HEPN1: variants seen among roughly 807,000 people sequenced by gnomAD.
HEPN1 encodes the protein protein HEPN1.
For synonymous variants in HEPN1, 46 were observed against 41.2 expected, an observed-to-expected ratio of 1.12 and a Z score of -0.45; for missense variants, 97 against 103.3, an observed-to-expected ratio of 0.94 and a Z score of 0.26.
chr11:124,920,235 T>C, exon 1 of HEPN1: 1 of 895,822 alleles, frequency 1.1e-6, no homozygotes, highest in Non-Finnish European at 1.7e-6. Context: ...TTGAAAGGCT[T>C]GTTTTGTAAG....
exon 1 of HEPN1, chr11:124,919,389 T>G: frequency 8.2e-6 from 2 of 243,532 alleles, no homozygotes; most frequent in East Asian, 9.4e-5. Flanking sequence ...TTAAGGCAGA[T>G]TTGGCTTAAG....
Position 124,919,657 on chromosome 11 carries a change from A to G in HEPN1, c.-94A>G. On this transcript the variant is annotated 5_prime_UTR_variant, in exon 1 of 1. An upstream open reading frame in the 5' UTR loses its in-frame stop. Coordinates refer to ENST00000408930, the Ensembl canonical transcript of HEPN1. ...GGAAGTGCCGAGGGACAGGGAGCTG[A>G]GACAGGCATGCTGTGGGGTTCAGGG... 1 of 1,414,570 alleles carries G rather than the reference A, an allele frequency of 7.1e-7. No homozygotes were observed. The allele number at this position is 1,414,570 out of a possible 1,614,324, so 87.6% of individuals were successfully genotyped here. A position where few individuals can be genotyped will look rare whatever the true frequency, so the allele number is the denominator to read the frequency against.
Sources: gnomAD v4.1 joint callset for allele counts on GRCh38, gnomAD v4.1.1 for gene constraint, MANE v1.5 for transcripts, NCBI Gene and HGNC (gene_info 2026-07-23, HGNC 2026-07-21) for gene names.